The following FN3K variants were observed in gnomAD, a reference collection of about 807,000 sequenced individuals.
FN3K encodes the protein fructosamine 3 kinase.
In FN3K, 24 loss-of-function variants were observed where a neutral mutation model predicts 24.8. The observed-to-expected ratio is 0.97, with a 90% confidence interval of 0.70 to 1.36. The LOEUF is 1.36. FN3K is among the 40% of genes most tolerant of loss of function. FN3K has a pLI of 0.00. For missense variants in FN3K, 449 were observed against 416.7 expected, an observed-to-expected ratio of 1.08 and a Z score of -0.67; for synonymous variants, 192 against 175.2, an observed-to-expected ratio of 1.10 and a Z score of -0.76.
Position 82,735,663 on chromosome 17 carries a change from G to T in FN3K, c.27G>T (p.Leu9=). ...TGGAGCAGCTGCTGCGCGCCGAGCT[G>T]CGCACCGCGACCCTGCGGGCCTTCG... The part of the protein sequence containing the change: MEQLLRAE[L]RTATLRAFGG... The change falls in exon 1 of 6, where the codon CTG becomes CTT. Residue 9 remains leucine (L), a synonymous_variant. Coordinates refer to ENST00000300784, the MANE Select transcript of FN3K (RefSeq NM_022158.4). 6.5e-7 allele frequency: 1 copy of T among 1,538,716 alleles called. No homozygotes were observed.
chr17:82,746,854 T>A (rs1431250635), intron 4 of FN3K, among the ~76,000 whole-genome samples: 1 of 152,108 alleles, frequency 6.6e-6, no homozygotes, highest in Non-Finnish European at 1.5e-5. Context: ...AGATGGAGTT[T>A]CACTCTGTTG....
chr17:82,738,430 CAG>C (rs1487081518), intron 1 of FN3K, 57 bp from the exon 2 acceptor site: 17 of 1,606,856 alleles, frequency 1.1e-5, no homozygotes, highest in Non-Finnish European at 1.4e-5. Context: ...GTCAAGGGCC[CAG>C]TGGGCAGAGG....
chr17:82,741,047 T>C, intron 3 of FN3K, 193 bp downstream of exon 3: 1 of 662,688 alleles, frequency 1.5e-6, no homozygotes, highest in Non-Finnish European at 2.7e-6. Context: ...AATTGGCACA[T>C]GATCCCTTTT....
intron 1 of FN3K, 62 bp from the exon 2 acceptor site, chr17:82,738,427 G>T: frequency 1.2e-6 from 2 of 1,606,464 alleles, no homozygotes; most frequent in South Asian, 2.2e-5. Context: ...TCTGTCAAGG[G>T]CCCAGTGGGC....
intron 4 of FN3K, among the ~76,000 whole-genome samples, chr17:82,746,537 G>A (rs1313025583): frequency 2.0e-5 from 3 of 151,992 alleles, no homozygotes; most frequent in Non-Finnish European, 4.4e-5. Flanking sequence ...ATGGTGGCTC[G>A]CGCCTGTAAT....
chr17:82,741,473 C>A, intron 4 of FN3K, 80 bp downstream of exon 4: 1 of 1,276,758 alleles, frequency 7.8e-7, no homozygotes, highest in Non-Finnish European at 1.1e-6. Context: ...TGCTAATCTC[C>A]CAAGCACCAG....
At chr17:82,746,576 A>G (rs918394448) in intron 4 of FN3K, among the ~76,000 whole-genome samples, 2 of 152,038 alleles carry the variant, frequency 1.3e-5, no homozygotes, top group Non-Finnish European at 2.9e-5. Context: ...CGAGGTGGGC[A>G]GATCACTTGA....
intron 4 of FN3K, among the ~76,000 whole-genome samples, chr17:82,743,459 C>A (rs1038827198): frequency 1.3e-5 from 2 of 152,120 alleles, no homozygotes; most frequent in Admixed American, 6.5e-5. Flanking sequence ...CACCAGGTTC[C>A]GGAGGCTTCC....
chr17:82,738,942 ATATATT>A (rs746059761), intron 2 of FN3K, among the ~76,000 whole-genome samples: 5,342 of 106,598 alleles, frequency 0.05, 314 homozygotes, highest in African/African-American at 0.092. Flanking sequence ...ATATATATAT[ATATATT>A]TTTTTTTTTT....
intron 5 of FN3K, chr17:82,749,772 T>G (rs937779045): frequency 6.3e-6 from 1 of 159,066 alleles, no homozygotes; most frequent in Non-Finnish European, 1.4e-5. Context: ...ATGAAGAAAC[T>G]AGGCTGGGCA....
chr17:82,749,035 T>G, intron 5 of FN3K, 58 bp downstream of exon 5: 1 of 1,611,022 alleles, frequency 6.2e-7, no homozygotes. Context: ...TCCCGCCGCA[T>G]TTGTGCGGGT....
Position 82,750,029 on chromosome 17 carries a change from G to C in FN3K, c.592-388G>C, listed in dbSNP as rs548291178. 9 of 272,502 alleles carry C rather than the reference G, an allele frequency of 3.3e-5. No homozygotes were observed. In the South Asian group the frequency reaches 3.4e-4, roughly 10 times the overall value. The allele number at this position is 272,502 out of a possible 1,614,324, so 16.9% of individuals were successfully genotyped here. ...GCCGAGATGGCGCCACTGCACTCCAGCCTGGGTGACAGAGCAAGATTCCCT... is the reference window on the plus strand; with the variant it reads ...GCCGAGATGGCGCCACTGCACTCCACCCTGGGTGACAGAGCAAGATTCCCT... On this transcript the variant is annotated intron_variant, in intron 5 of 5. Transcript: ENST00000300784.
chr17:82,749,160 T>A, intron 5 of FN3K, 183 bp downstream of exon 5: 2 of 899,304 alleles, frequency 2.2e-6, no homozygotes, highest in Non-Finnish European at 3.5e-6. Flanking sequence ...GAGTGAGGAG[T>A]GAAGACACAC....
chr17:82,745,022 C>T (rs1437178292), intron 4 of FN3K: 1 of 152,150 alleles, frequency 6.6e-6, no homozygotes, highest in African/African-American at 2.4e-5. Flanking sequence ...CCTCTTGTCT[C>T]AACTGCAAGA....
chr17:82,746,112 A>AC (rs58737118), intron 4 of FN3K, among the ~76,000 whole-genome samples: 2 of 150,740 alleles, frequency 1.3e-5, no homozygotes, highest in Non-Finnish European at 3.0e-5. Flanking sequence ...AAAAAAAAAA[A>AC]CTACCAAACT....
chr17:82,749,067 A>T, intron 5 of FN3K, 90 bp downstream of exon 5: 1 of 1,572,356 alleles, frequency 6.4e-7, no homozygotes, highest in Non-Finnish European at 8.7e-7. Flanking sequence ...ACGGAGCTGG[A>T]GCAGGGAACA....
chr17:82,741,210 T>A (rs2046939330), intron 3 of FN3K, 101 bp from the exon 4 acceptor site: 5 of 1,036,222 alleles, frequency 4.8e-6, no homozygotes, highest in East Asian at 2.6e-5. Context: ...ACCACCTATA[T>A]TCTAGCATGC....
rs575964225 is a variant in FN3K, at chr17:82,750,852, C to G, written c.*97C>G. On this transcript the variant is annotated 3_prime_UTR_variant, in exon 6 of 6. Coordinates refer to ENST00000300784, the MANE Select transcript of FN3K (RefSeq NM_022158.4). ...TCCCTGTGCCCCCGTCCCTGTCCCC[C>G]TGTTCCCGTCTCCCCGTCCCTCCGT... 1 of 920,124 alleles carries G rather than the reference C, an allele frequency of 1.1e-6. No homozygotes were observed. The highest frequency in any genetic ancestry group is 2.1e-5 in the African/African-American group (1 of 47,128). The allele number at this position is 920,124 out of a possible 1,614,324, so 57.0% of individuals were successfully genotyped here.
intron 4 of FN3K, chr17:82,745,485 G>C (rs1403107987): frequency 6.6e-6 from 1 of 152,300 alleles, no homozygotes; most frequent in Non-Finnish European, 1.5e-5. Context: ...GATCTCTCTT[G>C]CTTTTCCCCA....
Sources: allele counts gnomAD v4.1 joint callset (sites outside exome capture counted in the v4.1 genomes callset), GRCh38; gene constraint gnomAD v4.1.1; transcripts MANE v1.5; gene names NCBI Gene and HGNC (gene_info 2026-07-23, HGNC 2026-07-21).